The following ADGRB3 variants were observed in gnomAD, a reference collection of about 807,000 sequenced individuals.
The protein encoded by ADGRB3 is brain-specific angiogenesis inhibitor 3.
A neutral mutation model predicts 193.4 loss-of-function variants in ADGRB3; 37 were observed. The ratio of observed to expected loss-of-function variants is 0.19; its 90% CI spans 0.15 to 0.25. The LOEUF (loss-of-function observed/expected upper bound fraction) is 0.25, where lower values mean the gene tolerates loss of function less well. ADGRB3 is among the 10% of genes least tolerant of loss of function. ADGRB3 has a pLI of 1.00. For synonymous variants in ADGRB3, 690 were observed against 644.2 expected (o/e 1.07, Z -1.08); for missense variants, 1,637 against 1,852.9 (o/e 0.88, Z 2.14).
intron 3 of ADGRB3, among the ~76,000 whole-genome samples, chr6:68,910,127 G>A (rs892737077): frequency 3.3e-5 from 5 of 152,102 alleles, no homozygotes; most frequent in African/African-American, 1.2e-4. Context: ...ATCTCATTGT[G>A]GTTTTGATTT....
At chr6:69,360,745 T>TA in intron 28 of ADGRB3, 124 bp from the exon 29 acceptor site, 1 of 1,015,698 alleles carries the variant, frequency 9.8e-7, no homozygotes, top group Non-Finnish European at 1.4e-6. Context: ...GTATTTTTTT[T>TA]AAATAACATA....
chr6:69,099,861 G>A (rs1008884131), intron 17 of ADGRB3, among the ~76,000 whole-genome samples: 1 of 152,106 alleles, frequency 6.6e-6, no homozygotes, highest in South Asian at 2.1e-4. Context: ...CAGGCTTAAT[G>A]CCATTACTCA....
In ADGRB3 at chr6:68,956,641, T is replaced by C. The variant is rs762293725; in HGVS notation, c.1361-4T>C. Reference sequence around the variant, plus strand: ...TGACATTGACCATGAAACATTTCTTTCAGCCAATGGTCAATGGAATCAGTG... The same window carrying C: ...TGACATTGACCATGAAACATTTCTTCCAGCCAATGGTCAATGGAATCAGTG... On this transcript the variant is annotated splice_polypyrimidine_tract_variant and splice_region_variant and intron_variant, in intron 7 of 31. Transcript: ENST00000370598. 11 of 1,613,660 alleles carry C rather than the reference T, an allele frequency of 6.8e-6. No individual in the cohort carries two copies. In the South Asian group the frequency reaches 1.2e-4, roughly 18 times the overall value.
At chr6:68,849,526 T>G (rs981787332) in intron 3 of ADGRB3, among the ~76,000 whole-genome samples, 2 of 151,982 alleles carry the variant, frequency 1.3e-5, no homozygotes, top group African/African-American at 4.8e-5. Context: ...TTAACACACT[T>G]GCTTCCAATT....
At chr6:69,355,263 G>A (rs1446567781) in intron 27 of ADGRB3, among the ~76,000 whole-genome samples, 14 of 152,102 alleles carry the variant, frequency 9.2e-5, no homozygotes, top group Admixed American at 9.2e-4. Flanking sequence ...GAAGGTTCTC[G>A]ACCAGATGAG....
At chr6:68,952,529 A>G (rs1259408377) in intron 6 of ADGRB3, among the ~76,000 whole-genome samples, 1 of 152,130 alleles carries the variant, frequency 6.6e-6, no homozygotes, top group Non-Finnish European at 1.5e-5. Flanking sequence ...TTCATATCCA[A>G]TGAGTTATTT....
intron 6 of ADGRB3, among the ~76,000 whole-genome samples, chr6:68,946,040 T>C (rs984394362): frequency 6.6e-6 from 1 of 152,126 alleles, no homozygotes; most frequent in African/African-American, 2.4e-5. Flanking sequence ...AGTGAACATA[T>C]GGGCATATCC....
In ADGRB3 at chr6:69,034,506, G is replaced by C. The variant is rs1334477771; in HGVS notation, c.2108-13679G>C. Among the ~76,000 whole-genome samples, 8 of 148,388 alleles carry C rather than the reference G, an allele frequency of 5.4e-5. No individual in the cohort carries two copies. The East Asian group carries it at 1.6e-3, about 29-fold the overall frequency. On this transcript the variant is annotated intron_variant, in intron 13 of 31. Coordinates refer to ENST00000370598, the MANE Select transcript of ADGRB3 (RefSeq NM_001704.3). Reference sequence around the variant, plus strand: ...ATAATTGGTTGATATGCTCTTTTTAGCTATATAAAATTTATATAGCTATAA... The same window carrying C: ...ATAATTGGTTGATATGCTCTTTTTACCTATATAAAATTTATATAGCTATAA...
At chr6:69,318,365 G>A (rs1277603559) in intron 20 of ADGRB3, among the ~76,000 whole-genome samples, 1 of 151,190 alleles carries the variant, frequency 6.6e-6, no homozygotes, top group East Asian at 1.9e-4. Flanking sequence ...TTAATCTGTT[G>A]ATGTAATAAA....
chr6:69,063,409 A>G (rs991950161), intron 16 of ADGRB3, among the ~76,000 whole-genome samples: 3 of 152,056 alleles, frequency 2.0e-5, no homozygotes, highest in African/African-American at 7.2e-5. Context: ...AAGCCTGTTA[A>G]CTGTAGTGGT....
chr6:69,128,543 C>T (rs1773916490), intron 17 of ADGRB3, among the ~76,000 whole-genome samples: 1 of 152,022 alleles, frequency 6.6e-6, no homozygotes, highest in Non-Finnish European at 1.5e-5. Context: ...ATAAATCATA[C>T]AGTAGATATA....
At chr6:69,342,403 G>A (rs1768994465) in intron 26 of ADGRB3, among the ~76,000 whole-genome samples, 1 of 151,998 alleles carries the variant, frequency 6.6e-6, no homozygotes. Context: ...AATACACAGA[G>A]CAGATTTCAG....
intron 3 of ADGRB3, among the ~76,000 whole-genome samples, chr6:68,910,885 G>A (rs1337930828): frequency 5.9e-5 from 9 of 152,168 alleles, no homozygotes; most frequent in African/African-American, 2.2e-4. Flanking sequence ...ACTTGGCAAT[G>A]TGGGCTCTTT....
At chr6:69,174,999 C>G (rs1372739890) in intron 17 of ADGRB3, among the ~76,000 whole-genome samples, 2 of 152,108 alleles carry the variant, frequency 1.3e-5, no homozygotes, top group Admixed American at 6.5e-5. Flanking sequence ...TATAGATTCT[C>G]GATGTTAGAC....
chr6:69,296,670 T>C (rs2127294689), intron 20 of ADGRB3, among the ~76,000 whole-genome samples: 1 of 152,268 alleles, frequency 6.6e-6, no homozygotes, highest in East Asian at 1.9e-4. Context: ...AAAATAATTC[T>C]CCTTACTTAC....
intron 3 of ADGRB3, among the ~76,000 whole-genome samples, chr6:68,734,593 G>A (rs891692711): frequency 6.6e-6 from 1 of 151,952 alleles, no homozygotes; most frequent in Admixed American, 6.6e-5. Context: ...AACATATTGT[G>A]TAAAAACATT....
rs368640990 is a variant in ADGRB3, at chr6:68,975,327, A to G, written c.1721A>G (p.His574Arg). The G allele has an allele frequency of 1.0e-4, 164 of 1,613,404 alleles. No homozygotes were observed. The highest frequency in any genetic ancestry group is 1.2e-4 in the Non-Finnish European group (143 of 1,179,500). The part of the protein sequence containing the change: ...FARCISNEYR[H>R]LQHSIKEHLA... ...AGATGCATATCAAATGAGTACAGAC[A>G]CTTGCAGCATTCAGTAGGTGCAAAG... The change falls in exon 10 of 32, where the codon CAC becomes CGC. Residue 574 changes from histidine (H) to arginine (R), a missense_variant. Around this residue, in one of 7 missense-constraint regions of ADGRB3, gnomAD observed 641 missense variants for 673.9 expected, o/e 0.95. Transcript: ENST00000370598.
At chr6:68,864,397 T>C (rs1168915522) in intron 3 of ADGRB3, among the ~76,000 whole-genome samples, 2 of 152,198 alleles carry the variant, frequency 1.3e-5, no homozygotes, top group Non-Finnish European at 2.9e-5. Context: ...GCAAATTGAC[T>C]AAGTTCTGGG....
chr6:69,270,469 A>G (rs956319889), intron 20 of ADGRB3, among the ~76,000 whole-genome samples: 4 of 152,214 alleles, frequency 2.6e-5, no homozygotes, highest in Admixed American at 6.5e-5. Flanking sequence ...AAGACTTACC[A>G]GTCTATAAGG....
Sources: allele counts gnomAD v4.1 joint callset (sites outside exome capture counted in the v4.1 genomes callset), GRCh38; gene constraint gnomAD v4.1.1; regional missense constraint gnomAD v4.1.1; transcripts MANE v1.5; gene names NCBI Gene and HGNC (gene_info 2026-07-23, HGNC 2026-07-21).